Variants in NELL1 observed in about 807,000 individuals in gnomAD.
NELL1 encodes protein kinase C-binding protein NELL1.
Under a neutral mutation model 107.4 loss-of-function variants are expected in NELL1, and 76 were observed. The observed-to-expected ratio is 0.71, with a 90% CI of 0.59 to 0.86. The LOEUF (loss-of-function observed/expected upper bound fraction) is 0.86, where lower values mean the gene tolerates loss of function less well. NELL1 is among the 40% of genes least tolerant of loss of function. The pLI is 0.00. For missense variants in NELL1, 1,024 were observed against 1,005.5 expected (o/e 1.02, Z -0.25); for synonymous variants, 353 against 341.2 (o/e 1.03, Z -0.38).
intron 14 of NELL1, among the ~76,000 whole-genome samples, chr11:21,306,659 TA>T (rs1232698361): frequency 6.6e-6 from 1 of 152,102 alleles, no homozygotes; most frequent in Non-Finnish European, 1.5e-5. Flanking sequence ...CTTCACCTAA[TA>T]AATGAGAAAG....
chr11:21,300,986 A>G (rs191809169), intron 14 of NELL1, among the ~76,000 whole-genome samples: 1 of 152,194 alleles, frequency 6.6e-6, no homozygotes, highest in Admixed American at 6.5e-5. Context: ...ATGAGTGAGA[A>G]CATGCAGTGT....
intron 13 of NELL1, among the ~76,000 whole-genome samples, chr11:21,221,024 T>C (rs951340058): frequency 1.3e-5 from 2 of 152,184 alleles, no homozygotes; most frequent in Non-Finnish European, 2.9e-5. Flanking sequence ...ATGGTCTTTA[T>C]TGTGTCTGGG....
chr11:20,736,562 T>C (rs1194611055), intron 2 of NELL1, among the ~76,000 whole-genome samples: 1 of 152,206 alleles, frequency 6.6e-6, no homozygotes, highest in Non-Finnish European at 1.5e-5. Context: ...GTGGAATTTC[T>C]CAGGCCTGCT....
At chr11:21,367,938 A>C (rs975814190) in intron 14 of NELL1, among the ~76,000 whole-genome samples, 4 of 152,138 alleles carry the variant, frequency 2.6e-5, no homozygotes, top group Admixed American at 6.6e-5. Context: ...AGTCCTCTGC[A>C]TATCAGAGTC....
At chr11:21,273,152 T>C (rs189324500) in intron 14 of NELL1, among the ~76,000 whole-genome samples, 16 of 152,140 alleles carry the variant, frequency 1.1e-4, no homozygotes, top group Non-Finnish European at 1.9e-4. Flanking sequence ...TTAAAAATCT[T>C]GAAAAAAAAT....
chr11:21,418,278 GAT>G (rs1288052145), intron 15 of NELL1, among the ~76,000 whole-genome samples: 4 of 151,992 alleles, frequency 2.6e-5, no homozygotes, highest in African/African-American at 9.7e-5. Context: ...AAGTTATTTG[GAT>G]AGAAGCTAAG....
At chr11:20,736,728 A>C (rs367996685) in intron 2 of NELL1, among the ~76,000 whole-genome samples, 1,803 of 147,366 alleles carry the variant, frequency 0.012, 34 homozygotes, top group African/African-American at 0.042. Flanking sequence ...CTGGACCCCT[A>C]CCCTCCTCCC....
chr11:20,755,894 T>TGG (rs1856272509), intron 2 of NELL1, among the ~76,000 whole-genome samples: 3 of 127,924 alleles, frequency 2.3e-5, no homozygotes, highest in Non-Finnish European at 4.8e-5. Flanking sequence ...TTTTTTTTTT[T>TGG]TTTTTTTTTT....
intron 15 of NELL1, among the ~76,000 whole-genome samples, chr11:21,482,129 A>T (rs1319451123): frequency 6.6e-6 from 1 of 152,256 alleles, no homozygotes; most frequent in Non-Finnish European, 1.5e-5. Context: ...ATTGACAGAA[A>T]GATTAAAAAT....
chr11:21,021,012 A>AACACACACACACAC lies in NELL1; in HGVS notation c.1300+60476_1300+60489dup, dbSNP rs56813080. Among the ~76,000 whole-genome samples the AACACACACACACAC allele has an allele frequency of 9.5e-3, 1,337 of 140,244 alleles. 17 individuals carry two copies. The highest frequency in any genetic ancestry group is 0.021 in the African/African-American group (797 of 37,102). 92.0% of individuals were successfully genotyped at this position (140,244 alleles called of 152,430 possible). A position where few individuals can be genotyped will look rare whatever the true frequency, so the allele number is the denominator to read the frequency against. ...GCTGATAGAGCAGAAAGAAACTTAG[A>AACACACACACACAC]ACACACACACACACACACACACACA... On this transcript the variant is annotated intron_variant, in intron 12 of 19. Transcript: ENST00000357134.
chr11:21,057,099 G>A (rs1568112), intron 12 of NELL1, among the ~76,000 whole-genome samples: 7 of 151,928 alleles, frequency 4.6e-5, no homozygotes, highest in African/African-American at 1.7e-4. Context: ...GTGAGTGTAT[G>A]CTTAATATAT....
intron 15 of NELL1, among the ~76,000 whole-genome samples, chr11:21,442,942 C>CTTTTTTTTTTTTTTTTTTTT (rs66501874): frequency 3.5e-5 from 2 of 57,564 alleles, no homozygotes; most frequent in Admixed American, 2.5e-4. Flanking sequence ...GCTATCTTTC[C>CTTTTTTTTTTTTTTTTTTTT]TTTTTTTTTT....
At chr11:20,909,766 G>A (rs1850084035) in intron 5 of NELL1, among the ~76,000 whole-genome samples, 2 of 152,016 alleles carry the variant, frequency 1.3e-5, no homozygotes, top group South Asian at 2.1e-4. Context: ...ACATAACAGG[G>A]CCTTTTCACC....
In NELL1 at chr11:21,570,944, T is replaced by C. The variant is rs771242992; in HGVS notation, c.2157+4T>C. ...CTGTCAGCAGTGTCGGTGTCTGGTA[T>C]GTTGGCTTCCTTTATAAGGTGTTGA... is the stretch of plus-strand genomic sequence containing the variant. On this transcript the variant is annotated splice_donor_region_variant and intron_variant, in intron 18 of 19. Coordinates refer to ENST00000357134, the MANE Select transcript of NELL1 (RefSeq NM_006157.5). 1 of 1,610,370 alleles carries C rather than the reference T, an allele frequency of 6.2e-7. No homozygotes were observed. Among genetic ancestry groups the C allele is most frequent in the Non-Finnish European group, 8.5e-7 (1 of 1,177,604 alleles).
chr11:20,864,292 C>G (rs1849054569), intron 4 of NELL1, among the ~76,000 whole-genome samples: 1 of 152,176 alleles, frequency 6.6e-6, no homozygotes, highest in Non-Finnish European at 1.5e-5. Flanking sequence ...CATTCTCTCA[C>G]ATAGTAATAA....
intron 16 of NELL1, among the ~76,000 whole-genome samples, chr11:21,547,788 T>G (rs905742050): frequency 2.6e-5 from 4 of 151,928 alleles, no homozygotes; most frequent in Non-Finnish European, 5.9e-5. Flanking sequence ...ATTCTCATAA[T>G]GAACCTTCAA....
At chr11:20,820,348 G>A (rs1428520209) in intron 3 of NELL1, among the ~76,000 whole-genome samples, 1 of 152,182 alleles carries the variant, frequency 6.6e-6, no homozygotes. Flanking sequence ...TCTCTAAAAT[G>A]TTATTAAATA....
intron 14 of NELL1, chr11:21,283,624 C>A: frequency 6.4e-6 from 1 of 156,448 alleles, no homozygotes. Context: ...ATCTCTCTCA[C>A]AAAGTAGAAT....
At chr11:21,410,830 G>A (rs1024268680) in intron 15 of NELL1, among the ~76,000 whole-genome samples, 9 of 152,070 alleles carry the variant, frequency 5.9e-5, no homozygotes, top group Non-Finnish European at 8.8e-5. Context: ...GGCGTGTGCC[G>A]TTTCTGTGGA....
Sources: allele counts gnomAD v4.1 joint callset (sites outside exome capture counted in the v4.1 genomes callset), GRCh38; gene constraint gnomAD v4.1.1; transcripts MANE v1.5; gene names NCBI Gene and HGNC (gene_info 2026-07-23, HGNC 2026-07-21).